Variants in HEATR5A observed in about 807,000 individuals in gnomAD.
HEATR5A encodes HEAT repeat-containing protein 5A.
A neutral mutation model predicts 218.8 loss-of-function variants in HEATR5A; 178 were observed. The observed-to-expected ratio is 0.81, with a 90% CI of 0.72 to 0.92. HEATR5A has a LOEUF of 0.92. Among genes scored for constraint, HEATR5A ranks in the 40% least tolerant of loss-of-function variants. The pLI, the probability that HEATR5A is intolerant of heterozygous loss-of-function variation, is 0.00. For synonymous variants in HEATR5A, 864 were observed against 871.6 expected, an observed-to-expected ratio of 0.99 and a Z score of 0.15; for missense variants, 2,420 against 2,418.9, an observed-to-expected ratio of 1.00 and a Z score of -0.01.
intron 11 of HEATR5A, among the ~76,000 whole-genome samples, chr14:31,379,273 G>A (rs1287041559): frequency 7.8e-6 from 1 of 127,390 alleles, no homozygotes; most frequent in Non-Finnish European, 1.7e-5. Context: ...TATTTTGAGA[G>A]GGAGTCTTGC....
intron 2 of HEATR5A, among the ~76,000 whole-genome samples, chr14:31,402,102 AG>A (rs2030899479): frequency 6.6e-6 from 1 of 152,146 alleles, no homozygotes. Flanking sequence ...AGAGTCACAC[AG>A]CTCCCTGTTG....
chr14:31,411,569 G>C (rs1193525619), intron 1 of HEATR5A, among the ~76,000 whole-genome samples: 1 of 152,170 alleles, frequency 6.6e-6, no homozygotes, highest in African/African-American at 2.4e-5. Flanking sequence ...AATCCAAGTT[G>C]AAATGGTTTT....
chr14:31,350,715 A>C lies in HEATR5A; in HGVS notation c.2414T>G (p.Leu805Arg), dbSNP rs1399579659. Reference protein sequence around the residue: ...VCAHVGETQRLLILEQLLDSI... With the variant: ...VCAHVGETQRRLILEQLLDSI... Reference sequence around the variant, plus strand: ...GTCCAAAAGCTGTTCCAATATAAGAAGCCTACAATCAGAAATAACAGGATT... The same window carrying C: ...GTCCAAAAGCTGTTCCAATATAAGACGCCTACAATCAGAAATAACAGGATT... Residue 805 changes from leucine to arginine, a missense_variant and splice_region_variant, in exon 17 of 36, where the codon CTT becomes CGT. By Grantham distance (102) the Leu-to-Arg change is moderately radical. Transcript: ENST00000543095. 2.0e-6 allele frequency: 3 copies of C among 1,485,246 alleles called. No individual in the cohort carries two copies. The East Asian group carries it at 6.8e-5, about 34-fold the overall frequency. 92.0% of individuals were successfully genotyped at this position (1,485,246 alleles called of 1,614,324 possible). A position where few individuals can be genotyped will look rare whatever the true frequency, so the allele number is the denominator to read the frequency against.
chr14:31,350,583 A>G (rs1379293615), intron 17 of HEATR5A, 29 bp downstream of exon 17: 1 of 1,253,360 alleles, frequency 8.0e-7, no homozygotes, highest in Admixed American at 2.3e-5. Context: ...AAATGAAGCC[A>G]ACATTTAAAT....
In HEATR5A at chr14:31,364,393, T is replaced by C. The variant is rs575931359; in HGVS notation, c.1962-95A>G. 68 of 608,546 alleles carry C rather than the reference T, an allele frequency of 1.1e-4. No individual in the cohort carries two copies. In the African/African-American group the frequency reaches 1.2e-3, roughly 11 times the overall value. 37.7% of individuals were successfully genotyped at this position (608,546 alleles called of 1,614,324 possible). On this transcript the variant is annotated intron_variant, in intron 13 of 35. Transcript: ENST00000543095. ...AATATCTTAACATATAAATTAGCTATGTATTTTATTAACAAACATTAGTGC... is the reference window on the plus strand; with the variant it reads ...AATATCTTAACATATAAATTAGCTACGTATTTTATTAACAAACATTAGTGC...
In HEATR5A at chr14:31,369,629, A is replaced by C. The variant is rs866407546; in HGVS notation, c.1961+2181T>G. Among the ~76,000 whole-genome samples, 8 of 147,524 alleles carry C rather than the reference A, an allele frequency of 5.4e-5. No individual in the cohort carries two copies. The East Asian group carries it at 1.0e-3, about 18-fold the overall frequency. Reference sequence around the variant, plus strand: ...GTCTCAAAAAAAAAAAAAAAAAAAAAAAAAAAACCCAAAAATGGCCTGACG... The same window carrying C: ...GTCTCAAAAAAAAAAAAAAAAAAAACAAAAAAACCCAAAAATGGCCTGACG... On this transcript the variant is annotated intron_variant, in intron 13 of 35. Transcript: ENST00000543095.
intron 1 of HEATR5A, among the ~76,000 whole-genome samples, chr14:31,404,665 G>A (rs1030217933): frequency 2.0e-5 from 3 of 152,068 alleles, no homozygotes; most frequent in Admixed American, 6.6e-5. Context: ...CCAGCACTTC[G>A]GGTAGCTGAG....
intron 33 of HEATR5A, among the ~76,000 whole-genome samples, chr14:31,301,183 T>C (rs867205992): frequency 2.6e-5 from 4 of 152,212 alleles, no homozygotes; most frequent in Non-Finnish European, 4.4e-5. Flanking sequence ...CTAAAGACTT[T>C]TTATAATCAC....
intron 33 of HEATR5A, among the ~76,000 whole-genome samples, chr14:31,301,317 G>A (rs532998397): frequency 1.8e-4 from 27 of 152,126 alleles, no homozygotes; most frequent in African/African-American, 5.3e-4. Flanking sequence ...GTGCAGTGGC[G>A]CAACCTTGGC....
Position 31,329,256 on chromosome 14 carries a change from T to C in HEATR5A, c.3368-2914A>G, listed in dbSNP as rs141712894. Among the ~76,000 whole-genome samples, 550 of 152,328 alleles carry C rather than the reference T, an allele frequency of 3.6e-3. 7 individuals are homozygous for C. Among genetic ancestry groups the C allele is most frequent in the African/African-American group, 0.012 (519 of 41,574 alleles). ...TATGTCCACATTTCAAAACCAATCA[T>C]GCCTTCCCAACAGTCTCCCAAAGTC... is the stretch of plus-strand genomic sequence containing the variant. On this transcript the variant is annotated intron_variant, in intron 22 of 35. Transcript: ENST00000543095.
At chr14:31,374,728 G>T in intron 12 of HEATR5A, 88 bp downstream of exon 12, 1 of 1,267,682 alleles carries the variant, frequency 7.9e-7, no homozygotes, top group Non-Finnish European at 1.1e-6. Flanking sequence ...CCTGCCTCGT[G>T]TTAAATAAAA....
intron 9 of HEATR5A, among the ~76,000 whole-genome samples, chr14:31,384,865 A>G (rs780683204): frequency 3.9e-5 from 6 of 152,078 alleles, no homozygotes; most frequent in Non-Finnish European, 5.9e-5. Flanking sequence ...TGTTGCTCTT[A>G]TAAGAATAAA....
chr14:31,347,683 A>T (rs1032887254), intron 19 of HEATR5A, 65 bp downstream of exon 19: 7 of 1,206,776 alleles, frequency 5.8e-6, no homozygotes, highest in Non-Finnish European at 7.7e-6. Context: ...AATGTTCAAT[A>T]TAAACACAAT....
Position 31,321,603 on chromosome 14 carries a change from G to A in HEATR5A, c.3865C>T (p.Arg1289Cys), listed in dbSNP as rs776377109. The A allele has an allele frequency of 1.4e-5, 22 of 1,609,660 alleles. No individual in the cohort carries two copies. The highest frequency in any genetic ancestry group is 4.5e-5 in the East Asian group (2 of 44,794). Residue 1289 changes from arginine (R) to cysteine (C), a missense_variant, in exon 25 of 36, where the codon CGT becomes TGT. Transcript: ENST00000543095. ...MAATDHSDQL[R>C]LSGLEMLLVV... ...AACAGCATTTCAAGGCCAGAAAGACGGAGCTGGTCACTGTGATCTGTGGCA... is the reference window on the plus strand; with the variant it reads ...AACAGCATTTCAAGGCCAGAAAGACAGAGCTGGTCACTGTGATCTGTGGCA...
In HEATR5A at chr14:31,303,651, AAC is replaced by A. The variant is rs1275021345; in HGVS notation, c.5240-1134_5240-1133del. On this transcript the variant is annotated intron_variant, in intron 32 of 35. Coordinates refer to ENST00000543095, the MANE Select transcript of HEATR5A (RefSeq NM_015473.4). ...AAGCTACAGACCTACATATGGAAAT[AAC>A]ACATGCATATACACGAAAAAACAAA... is the stretch of plus-strand genomic sequence containing the variant. Among the ~76,000 whole-genome samples the A allele has an allele frequency of 3.3e-5, 5 of 152,224 alleles. No individual in the cohort carries two copies. In the East Asian group the frequency reaches 7.7e-4, roughly 23 times the overall value.
At chr14:31,393,916 G>C in intron 6 of HEATR5A, 136 bp downstream of exon 6, 1 of 613,604 alleles carries the variant, frequency 1.6e-6, no homozygotes, top group Non-Finnish European at 2.7e-6. Flanking sequence ...CCAAAGTGCT[G>C]GGATTACAGG....
rs1236487316 is a variant in HEATR5A, at chr14:31,395,215, C to T, written c.581G>A (p.Arg194His). 1.4e-5 allele frequency: 21 copies of T among 1,515,176 alleles called. No homozygotes were observed. The Admixed American group carries it at 1.7e-4, about 12-fold the overall frequency. 93.9% of individuals were successfully genotyped at this position (1,515,176 alleles called of 1,614,324 possible). ...TCATTTTACCTTTGCAGCAGCACAA[C>T]GAACAGCCATGGATCTATCTGTCAA... ...SCLTDRSMAV[R>H]CAAAKCLLEL... The change falls in exon 5 of 36, where the codon CGT becomes CAT. Residue 194 changes from arginine to histidine, a missense_variant. Arg to His is a conservative substitution (Grantham distance 29). Coordinates refer to ENST00000543095, the MANE Select transcript of HEATR5A (RefSeq NM_015473.4).
intron 9 of HEATR5A, among the ~76,000 whole-genome samples, chr14:31,385,686 T>G (rs540840538): frequency 1.8e-4 from 28 of 152,272 alleles, no homozygotes; most frequent in African/African-American, 5.3e-4. Flanking sequence ...TCAAAATCCC[T>G]GAATTGTATA....
intron 1 of HEATR5A, among the ~76,000 whole-genome samples, chr14:31,410,809 A>T (rs955724928): frequency 3.3e-5 from 5 of 151,894 alleles, no homozygotes; most frequent in African/African-American, 1.2e-4. Context: ...AAATTAGGCT[A>T]AAAAAAATCA....
Sources: allele counts gnomAD v4.1 joint callset (sites outside exome capture counted in the v4.1 genomes callset), GRCh38; gene constraint gnomAD v4.1.1; transcripts MANE v1.5; gene names NCBI Gene and HGNC (gene_info 2026-07-23, HGNC 2026-07-21).